The following RGS6 variants were observed in gnomAD, a reference collection of about 807,000 sequenced individuals.
RGS6 encodes regulator of G protein signaling 6.
Under a neutral mutation model 78.5 loss-of-function variants are expected in RGS6, and 30 were observed. The observed-to-expected ratio is 0.38, with a 90% CI of 0.29 to 0.52. RGS6 has a LOEUF of 0.52. Ranked by LOEUF, RGS6 falls within the 20% of genes least tolerant of loss-of-function variation. RGS6 has a pLI of 0.85. For missense variants in RGS6, 495 were observed against 609.7 expected, an observed-to-expected ratio of 0.81 and a Z score of 1.98; for synonymous variants, 206 against 206.0, an observed-to-expected ratio of 1.00 and a Z score of 0.00.
At chr14:72,069,489 CTTG>C (rs2094321267) in intron 2 of RGS6, among the ~76,000 whole-genome samples, 1 of 152,046 alleles carries the variant, frequency 6.6e-6, no homozygotes, top group Admixed American at 6.6e-5. Flanking sequence ...GTATACTATT[CTTG>C]TTGTGTGTTT....
chr14:72,593,833 T>G, the RGS6 span, among the ~76,000 whole-genome samples: 1 of 152,124 alleles, frequency 6.6e-6, no homozygotes, highest in Non-Finnish European at 1.5e-5. Flanking sequence ...CTTCTTAGAA[T>G]GTCCAGAAGC....
At chr14:72,151,445 A>G (rs541728073) in intron 2 of RGS6, among the ~76,000 whole-genome samples, 4 of 152,364 alleles carry the variant, frequency 2.6e-5, no homozygotes, top group South Asian at 4.1e-4. Context: ...AATATTCAGC[A>G]TGGTTACAGG....
intron 2 of RGS6, among the ~76,000 whole-genome samples, chr14:72,006,936 G>C (rs2084683805): frequency 6.6e-6 from 1 of 152,140 alleles, no homozygotes; most frequent in Non-Finnish European, 1.5e-5. Flanking sequence ...TAGAAGTTTG[G>C]ACTTTGAGGA....
At chr14:72,089,249 C>T (rs191071100) in intron 2 of RGS6, among the ~76,000 whole-genome samples, 21 of 152,190 alleles carry the variant, frequency 1.4e-4, no homozygotes, top group Admixed American at 3.9e-4. Context: ...ATGCCTGCCA[C>T]CTATAGAACC....
intron 2 of RGS6, among the ~76,000 whole-genome samples, chr14:71,967,524 G>A (rs1171752442): frequency 6.6e-6 from 1 of 152,150 alleles, no homozygotes; most frequent in Non-Finnish European, 1.5e-5. Flanking sequence ...TTCTTTGGAA[G>A]TCCTTTTGTG....
intron 2 of RGS6, among the ~76,000 whole-genome samples, chr14:72,145,009 T>C (rs570598815): frequency 2.0e-5 from 3 of 152,078 alleles, no homozygotes; most frequent in East Asian, 3.9e-4. Context: ...GATGGAATCA[T>C]AGAGGGGTCG....
chr14:71,887,852 A>T, the RGS6 span, among the ~76,000 whole-genome samples: 2 of 151,934 alleles, frequency 1.3e-5, no homozygotes, highest in Non-Finnish European at 2.9e-5. Flanking sequence ...GAAGCATGTG[A>T]TCTTTGTTAG....
At chr14:72,491,573 A>G (rs2096578517) in intron 12 of RGS6, among the ~76,000 whole-genome samples, 1 of 152,212 alleles carries the variant, frequency 6.6e-6, no homozygotes, top group African/African-American at 2.4e-5. Context: ...GAACATAACC[A>G]CAGGCCCCTA....
At chr14:72,012,445 A>G (rs1193219673) in intron 2 of RGS6, among the ~76,000 whole-genome samples, 1 of 152,194 alleles carries the variant, frequency 6.6e-6, no homozygotes, top group African/African-American at 2.4e-5. Flanking sequence ...CTCTTTCCCC[A>G]TATATTTTAA....
intron 3 of RGS6, among the ~76,000 whole-genome samples, chr14:72,363,336 C>A (rs1196573904): frequency 6.6e-6 from 1 of 152,160 alleles, no homozygotes; most frequent in Non-Finnish European, 1.5e-5. Context: ...GAAATAAGGC[C>A]ATATTAACGA....
At chr14:71,870,567 C>T in the RGS6 span, among the ~76,000 whole-genome samples, 6 of 152,148 alleles carry the variant, frequency 3.9e-5, no homozygotes, top group Non-Finnish European at 8.8e-5. Context: ...AGGAATGAGG[C>T]GTTTCCACAG....
At position 72,564,835 on chromosome 14, in the gene RGS6, A is replaced by T. The variant is rs537825127; in HGVS notation, c.*2368A>T. On this transcript the variant is annotated 3_prime_UTR_variant, in exon 18 of 18. Transcript: ENST00000553525. ...GCACCTCTGGGGACATCCAGAGGGG[A>T]GGGTCAGTAAGCACAACGGAGCTAG... The T allele has an allele frequency of 2.0e-5, 3 of 152,220 alleles. No individual in the cohort carries two copies. The highest frequency in any genetic ancestry group is 4.1e-4 in the South Asian group (2 of 4,820). 9.4% of individuals were successfully genotyped at this position (152,220 alleles called of 1,614,324 possible). A position where few individuals can be genotyped will look rare whatever the true frequency, so the allele number is the denominator to read the frequency against.
chr14:72,286,793 C>T (rs1474038407), intron 2 of RGS6, among the ~76,000 whole-genome samples: 3 of 151,946 alleles, frequency 2.0e-5, no homozygotes, highest in Non-Finnish European at 4.4e-5. Flanking sequence ...CTCCCCTCCC[C>T]TCCCCTTCCC....
the RGS6 span, among the ~76,000 whole-genome samples, chr14:71,922,737 T>TA: frequency 6.6e-6 from 1 of 152,170 alleles, no homozygotes; most frequent in African/African-American, 2.4e-5. Context: ...CTTAGTCTTT[T>TA]AAAAAAATTA....
intron 3 of RGS6, among the ~76,000 whole-genome samples, chr14:72,400,901 G>C (rs559748530): frequency 6.6e-6 from 1 of 151,068 alleles, no homozygotes; most frequent in South Asian, 2.1e-4. Flanking sequence ...AGCAGGAGGA[G>C]TGAGGAGGAG....
At chr14:72,434,018 A>G (rs2094784088) in intron 3 of RGS6, among the ~76,000 whole-genome samples, 1 of 152,178 alleles carries the variant, frequency 6.6e-6, no homozygotes, top group African/African-American at 2.4e-5. Context: ...TACCTTACCT[A>G]GCAAATTCCA....
At chr14:72,289,439 T>C (rs2063183331) in intron 2 of RGS6, among the ~76,000 whole-genome samples, 1 of 151,898 alleles carries the variant, frequency 6.6e-6, no homozygotes, top group Non-Finnish European at 1.5e-5. Flanking sequence ...TCTGTGTCCA[T>C]GAATTGCCCA....
chr14:72,311,804 T>C (rs1036514929), intron 2 of RGS6, among the ~76,000 whole-genome samples: 4 of 152,192 alleles, frequency 2.6e-5, no homozygotes, highest in African/African-American at 9.7e-5. Context: ...TGTGGTTTGG[T>C]TTTAGAGCCA....
chr14:72,293,621 T>C (rs950980042), intron 2 of RGS6, among the ~76,000 whole-genome samples: 4 of 152,208 alleles, frequency 2.6e-5, no homozygotes, highest in Non-Finnish European at 5.9e-5. Context: ...CAGCATTGCA[T>C]TTTATTTAAA....
Sources: gnomAD v4.1 joint callset for allele counts (sites outside exome capture counted in the v4.1 genomes callset) on GRCh38, gnomAD v4.1.1 for gene constraint, MANE v1.5 for transcripts, NCBI Gene and HGNC (gene_info 2026-07-23, HGNC 2026-07-21) for gene names.